Variants in HEMK2 observed in about 807,000 individuals in gnomAD.
The protein encoded by HEMK2 is methyltransferase HEMK2.
At chr21:28,630,678 G>A in the HEMK2 span, among the ~76,000 whole-genome samples, 2 of 148,722 alleles carry the variant, frequency 1.3e-5, no homozygotes, top group South Asian at 2.1e-4. Context: ...CTATCGCAAG[G>A]ACAAAAAACC....
At chr21:28,759,741 TA>T in the HEMK2 span, among the ~76,000 whole-genome samples, 1 of 152,294 alleles carries the variant, frequency 6.6e-6, no homozygotes, top group African/African-American at 2.4e-5. Flanking sequence ...GATGGTTTTG[TA>T]AGGGATTTCC....
At chr21:28,794,014 A>G in the HEMK2 span, among the ~76,000 whole-genome samples, 10 of 152,232 alleles carry the variant, frequency 6.6e-5, no homozygotes, top group African/African-American at 1.7e-4. Context: ...TGTTGTTTTA[A>G]GACATCCACT....
chr21:28,774,148 C>T, the HEMK2 span, among the ~76,000 whole-genome samples: 1 of 152,108 alleles, frequency 6.6e-6, no homozygotes, highest in African/African-American at 2.4e-5. Context: ...AAGAGATTGA[C>T]AAGGTTATCT....
the HEMK2 span, among the ~76,000 whole-genome samples, chr21:28,798,903 A>G: frequency 6.6e-6 from 1 of 152,146 alleles, no homozygotes; most frequent in Non-Finnish European, 1.5e-5. Flanking sequence ...ATGCATCCCT[A>G]TCCCTCATCA....
the HEMK2 span, among the ~76,000 whole-genome samples, chr21:28,805,821 A>G: frequency 6.6e-6 from 1 of 152,192 alleles, no homozygotes; most frequent in South Asian, 2.1e-4. Flanking sequence ...CTCTGAAACT[A>G]ATGTATTTAT....
the HEMK2 span, among the ~76,000 whole-genome samples, chr21:28,651,518 G>C: frequency 6.6e-6 from 1 of 152,132 alleles, no homozygotes; most frequent in Non-Finnish European, 1.5e-5. Context: ...CACTTGAATA[G>C]ACCATTGTCT....
At chr21:28,652,203 C>T in the HEMK2 span, among the ~76,000 whole-genome samples, 506 of 152,234 alleles carry the variant, frequency 3.3e-3, 3 homozygotes, top group African/African-American at 0.012. Context: ...ACCTACCCAA[C>T]AATATTTCTT....
the HEMK2 span, among the ~76,000 whole-genome samples, chr21:28,877,196 A>G: frequency 0.16 from 21,419 of 130,618 alleles, 2,032 homozygotes; most frequent in South Asian, 0.23. Context: ...GGGAGGAAGG[A>G]AGGGAGGGAA....
chr21:28,788,056 T>C, the HEMK2 span, among the ~76,000 whole-genome samples: 5 of 151,506 alleles, frequency 3.3e-5, no homozygotes, highest in African/African-American at 1.2e-4. Context: ...GTCACCAAAA[T>C]AGCGTGGCAC....
the HEMK2 span, among the ~76,000 whole-genome samples, chr21:28,838,947 CAAAAAAAAAAAAA>C: frequency 3.8e-4 from 8 of 20,982 alleles, no homozygotes; most frequent in African/African-American, 1.1e-3. Context: ...AACTCCGCCT[CAAAAAAAAAAAAA>C]AAAAAAAAAA....
chr21:28,605,118 G>C, the HEMK2 span, among the ~76,000 whole-genome samples: 2 of 152,332 alleles, frequency 1.3e-5, no homozygotes, highest in East Asian at 3.9e-4. Context: ...GCCTTGGTCT[G>C]CTCTTGCTCA....
chr21:28,684,366 T>C, the HEMK2 span, among the ~76,000 whole-genome samples: 1 of 152,218 alleles, frequency 6.6e-6, no homozygotes, highest in African/African-American at 2.4e-5. Flanking sequence ...CATCTGAATT[T>C]CCCTCCAAAT....
the HEMK2 span, among the ~76,000 whole-genome samples, chr21:28,779,771 C>A: frequency 6.6e-6 from 1 of 152,260 alleles, no homozygotes; most frequent in African/African-American, 2.4e-5. Flanking sequence ...TCCAAGGTGT[C>A]TATTTCTTTA....
chr21:28,601,942 G>A, the HEMK2 span, among the ~76,000 whole-genome samples: 57 of 152,336 alleles, frequency 3.7e-4, 3 homozygotes, highest in South Asian at 0.011. Flanking sequence ...TGTGAGGACT[G>A]AGAAACAGCT....
the HEMK2 span, among the ~76,000 whole-genome samples, chr21:28,711,428 G>C: frequency 6.6e-6 from 1 of 152,098 alleles, no homozygotes; most frequent in Non-Finnish European, 1.5e-5. Context: ...GGGGAGTCAT[G>C]GTTCCTCAGA....
the HEMK2 span, among the ~76,000 whole-genome samples, chr21:28,621,622 C>CGGTGGAA: frequency 9.9e-5 from 15 of 151,802 alleles, no homozygotes; most frequent in Non-Finnish European, 1.9e-4. Flanking sequence ...TTGGGATAGG[C>CGGTGGAA]GGTGGAATTA....
the HEMK2 span, among the ~76,000 whole-genome samples, chr21:28,770,178 GT>G: frequency 3.9e-5 from 6 of 152,136 alleles, no homozygotes; most frequent in Non-Finnish European, 7.4e-5. Context: ...AGGAAGTAGA[GT>G]TTGGGGATTG....
At chr21:28,861,437 G>A in the HEMK2 span, among the ~76,000 whole-genome samples, 2 of 152,160 alleles carry the variant, frequency 1.3e-5, no homozygotes, top group African/African-American at 4.8e-5. Context: ...AGGTCAAATG[G>A]ACAAAAGACT....
At chr21:28,723,606 T>G in the HEMK2 span, among the ~76,000 whole-genome samples, 1 of 152,318 alleles carries the variant, frequency 6.6e-6, no homozygotes, top group Non-Finnish European at 1.5e-5. Context: ...GCTCAGATTC[T>G]TGCTCTTCAA....
Sources: allele counts gnomAD v4.1 joint callset (sites outside exome capture counted in the v4.1 genomes callset), GRCh38; gene constraint gnomAD v4.1.1; transcripts MANE v1.5; gene names NCBI Gene and HGNC (gene_info 2026-07-23, HGNC 2026-07-21).